NCOR2: variants seen among roughly 807,000 people sequenced by gnomAD.
NCOR2 encodes nuclear receptor corepressor 2, also known as CTG repeat protein 26.
In NCOR2, 81 loss-of-function variants were observed where a neutral mutation model predicts 262.9. The observed-to-expected ratio is 0.31, with a 90% CI of 0.26 to 0.37. The LOEUF is 0.37. NCOR2 is among the 10% of genes least tolerant of loss of function. The pLI is 1.00. For missense variants in NCOR2, 3,385 were observed against 3,621.4 expected, an observed-to-expected ratio of 0.93 and a Z score of 1.68; for synonymous variants, 1,659 against 1,559.3, an observed-to-expected ratio of 1.06 and a Z score of -1.51.
chr12:124,397,552 C>T (rs546024522), intron 16 of NCOR2, among the ~76,000 whole-genome samples: 2 of 152,336 alleles, frequency 1.3e-5, no homozygotes, highest in Non-Finnish European at 2.9e-5. Context: ...GCCACTCCCA[C>T]GACTGTCCCC....
chr12:124,422,724 G>A (rs773953002), intron 11 of NCOR2, among the ~76,000 whole-genome samples, 169 bp from the exon 14 acceptor site: 19 of 152,200 alleles, frequency 1.2e-4, no homozygotes, highest in Non-Finnish European at 1.8e-4. Flanking sequence ...TGCGGCAGAC[G>A]GGAGGGGTGG....
Position 124,335,695 on chromosome 12 carries a change from G to A in NCOR2, c.6116-63C>T, listed in dbSNP as rs967454346. Reference sequence around the variant, plus strand: ...CCAGGGTTTCGGAGCCCGAGGGGCAGGGCTGCCCTCCCAGCTGGCTGGGAC... The same window carrying A: ...CCAGGGTTTCGGAGCCCGAGGGGCAAGGCTGCCCTCCCAGCTGGCTGGGAC... On this transcript the variant is annotated intron_variant, in intron 38 of 46. Coordinates refer to ENST00000405201, the Ensembl canonical transcript of NCOR2. The A allele has an allele frequency of 3.3e-6, 5 of 1,528,644 alleles. No homozygotes were observed. The South Asian group carries it at 4.8e-5, about 15-fold the overall frequency. 94.7% of individuals were successfully genotyped at this position (1,528,644 alleles called of 1,614,324 possible). A position where few individuals can be genotyped will look rare whatever the true frequency, so the allele number is the denominator to read the frequency against.
chr12:124,551,822 GGCA>G (rs1216953839), intron 1 of NCOR2, among the ~76,000 whole-genome samples: 1 of 152,220 alleles, frequency 6.6e-6, no homozygotes, highest in Admixed American at 6.5e-5. Flanking sequence ...TAAGCTGGAA[GGCA>G]GCAGCATGTG....
chr12:124,462,497 C>T (rs997242812), intron 5 of NCOR2, among the ~76,000 whole-genome samples: 3 of 152,240 alleles, frequency 2.0e-5, no homozygotes, highest in African/African-American at 4.8e-5. Context: ...GGGTGGGTGA[C>T]GAGCAGGAAA....
intron 37 of NCOR2, 152 bp downstream of exon 39, chr12:124,339,854 C>G (rs2135813584): frequency 9.6e-7 from 1 of 1,039,806 alleles, no homozygotes; most frequent in Admixed American, 2.3e-5. Flanking sequence ...CACCCATCCA[C>G]TACTCACACA....
intron 17 of NCOR2, among the ~76,000 whole-genome samples, chr12:124,381,746 G>A (rs1380552649): frequency 1.3e-5 from 2 of 152,238 alleles, no homozygotes; most frequent in Non-Finnish European, 2.9e-5. Context: ...ATTAACAGCA[G>A]AAAACAAGGC....
chr12:124,345,049 G>A, intron 31 of NCOR2, 98 bp from the exon 34 acceptor site: 2 of 1,141,332 alleles, frequency 1.8e-6, no homozygotes, highest in Non-Finnish European at 2.4e-6. Context: ...TCATCTATAA[G>A]ATGGAAGTGA....
rs1166973764 is a variant in NCOR2 at position 124,483,497 on chromosome 12, G to A, written c.411+99C>T. On this transcript the variant is annotated intron_variant, in intron 3 of 46. Coordinates refer to ENST00000405201, the Ensembl canonical transcript of NCOR2. This position sits in a 1 kb window ranked among gnomAD's most constrained non-coding sequence, Gnocchi z 6.3. ...CCACCTCCAAGCCTTTGCCCGAGCT[G>A]CCCCCTCCCTGCACCCCTACCCACC... The A allele has an allele frequency of 2.3e-6, 3 of 1,301,736 alleles. No individual in the cohort carries two copies. The highest frequency in any genetic ancestry group is 3.0e-5 in the Admixed American group (1 of 33,088). The allele number at this position is 1,301,736 out of a possible 1,614,324, so 80.6% of individuals were successfully genotyped here. A position where few individuals can be genotyped will look rare whatever the true frequency, so the allele number is the denominator to read the frequency against.
chr12:124,341,408 T>C (rs1356934639), intron 34 of NCOR2, among the ~76,000 whole-genome samples: 1 of 152,000 alleles, frequency 6.6e-6, no homozygotes, highest in Non-Finnish European at 1.5e-5. Context: ...CCTGGCTAAT[T>C]TTTGTATTTT....
chr12:124,349,879 G>C (rs151266965), intron 28 of NCOR2, among the ~76,000 whole-genome samples: 83 of 152,272 alleles, frequency 5.5e-4, no homozygotes, highest in African/African-American at 1.9e-3. Flanking sequence ...ACAGCTGCAG[G>C]CCTGTCTCCA....
At chr12:124,442,097 G>A (rs535505422) in intron 7 of NCOR2, among the ~76,000 whole-genome samples, 10 of 152,338 alleles carry the variant, frequency 6.6e-5, no homozygotes, top group South Asian at 4.1e-4. Flanking sequence ...TAGTTTAGCA[G>A]AGGGTCATGT....
intron 13 of NCOR2, among the ~76,000 whole-genome samples, chr12:124,409,884 G>A (rs2042471629): frequency 6.6e-6 from 1 of 151,900 alleles, no homozygotes; most frequent in South Asian, 2.1e-4. Context: ...TCACCATGTT[G>A]CCCTGGCTGG....
At chr12:124,360,438 G>A (rs1393644613) in intron 22 of NCOR2, among the ~76,000 whole-genome samples, 2 of 152,240 alleles carry the variant, frequency 1.3e-5, no homozygotes, top group African/African-American at 4.8e-5. Flanking sequence ...CCTGCCAAGA[G>A]CTGCGCTGTG....
chr12:124,380,880 A>G (rs916042691), intron 17 of NCOR2, among the ~76,000 whole-genome samples: 1 of 152,126 alleles, frequency 6.6e-6, no homozygotes, highest in Non-Finnish European at 1.5e-5. Context: ...CAGGAGTTAC[A>G]GTTAATCCTT....
chr12:124,339,231 A>AT (rs2036188067), intron 37 of NCOR2, among the ~76,000 whole-genome samples: 3 of 13,942 alleles, frequency 2.2e-4, no homozygotes, highest in African/African-American at 3.0e-4. Flanking sequence ...CCACCCACCC[A>AT]CCCACCCAGC....
intron 22 of NCOR2, among the ~76,000 whole-genome samples, chr12:124,357,087 G>A (rs535503164): frequency 1.3e-5 from 2 of 152,378 alleles, no homozygotes; most frequent in East Asian, 1.9e-4. Context: ...AGCCCAGCAA[G>A]CCAAGGTCCC....
At chr12:124,388,907 AG>A in intron 16 of NCOR2, 1 of 260,572 alleles carries the variant, frequency 3.8e-6, no homozygotes, top group Non-Finnish European at 5.5e-6. Flanking sequence ...CGAGGGAGGG[AG>A]GGACGCGGCG....
chr12:124,488,090 A>G (rs1166813077), intron 1 of NCOR2, among the ~76,000 whole-genome samples: 1 of 152,092 alleles, frequency 6.6e-6, no homozygotes, highest in East Asian at 1.9e-4. Flanking sequence ...TAATTTTCCC[A>G]ATTTTCCATA....
intron 1 of NCOR2, among the ~76,000 whole-genome samples, chr12:124,559,187 A>T (rs886832454): frequency 6.6e-6 from 1 of 152,172 alleles, no homozygotes; most frequent in African/African-American, 2.4e-5. Flanking sequence ...TCCTTTCCAG[A>T]TGCAAAGAAA....
Sources: allele counts gnomAD v4.1 joint callset (sites outside exome capture counted in the v4.1 genomes callset), GRCh38; gene constraint gnomAD v4.1.1; non-coding constraint Gnocchi (gnomAD v3.1); transcripts MANE v1.5; gene names NCBI Gene and HGNC (gene_info 2026-07-23, HGNC 2026-07-21).